The following NAV3 variants were observed in gnomAD, a reference collection of about 807,000 sequenced individuals.
NAV3 encodes neuron navigator 3.
Under a neutral mutation model 244.7 loss-of-function variants are expected in NAV3, and 87 were observed. That is an observed-to-expected ratio of 0.36 (90% CI 0.30 to 0.42). NAV3 has a LOEUF of 0.42. Ranked by LOEUF, NAV3 falls within the 20% of genes least tolerant of loss-of-function variation. The pLI is 1.00. For synonymous variants in NAV3, 1,126 were observed against 1,042.2 expected, an observed-to-expected ratio of 1.08 and a Z score of -1.55; for missense variants, 2,663 against 2,893.3, an observed-to-expected ratio of 0.92 and a Z score of 1.83.
intron 1 of NAV3, among the ~76,000 whole-genome samples, chr12:77,939,308 A>G (rs1046782961): frequency 6.6e-6 from 1 of 152,098 alleles, no homozygotes; most frequent in African/African-American, 2.4e-5. Flanking sequence ...TACCCACTGC[A>G]AGGAAGGTCC....
intron 2 of NAV3, among the ~76,000 whole-genome samples, chr12:77,599,880 A>G (rs1870343499): frequency 6.6e-6 from 1 of 152,084 alleles, no homozygotes; most frequent in Admixed American, 6.6e-5. Flanking sequence ...ACTAAGAAAT[A>G]TTGTACAGGA....
At position 77,874,809 on chromosome 12, in the gene NAV3, T is replaced by C. The variant is rs560009487; in HGVS notation, c.243+43105T>C. Among the ~76,000 whole-genome samples, 6 of 152,296 alleles carry C rather than the reference T, an allele frequency of 3.9e-5. No homozygotes were observed. In the East Asian group the frequency reaches 1.2e-3, roughly 29 times the overall value. On this transcript the variant is annotated intron_variant, in intron 1 of 39. Coordinates refer to ENST00000397909, the MANE Select transcript of NAV3 (RefSeq NM_001024383.2). ...TACCATCCTTACTATGTTATTATAA[T>C]GAATCAATGAATTAAGCATCAGAGA...
intron 11 of NAV3, chr12:78,056,119 A>G (rs1053785182): frequency 1.3e-5 from 2 of 152,162 alleles, no homozygotes; most frequent in Non-Finnish European, 2.9e-5. Context: ...TTACTCACAT[A>G]CATTTGTTCT....
intron 2 of NAV3, among the ~76,000 whole-genome samples, chr12:77,655,469 T>C (rs1451458078): frequency 6.6e-6 from 1 of 152,094 alleles, no homozygotes; most frequent in Non-Finnish European, 1.5e-5. Flanking sequence ...AAAGACCAAA[T>C]CTACGTCTGA....
intron 2 of NAV3, among the ~76,000 whole-genome samples, chr12:77,653,440 T>C (rs1262223733): frequency 6.6e-6 from 1 of 152,244 alleles, no homozygotes; most frequent in African/African-American, 2.4e-5. Context: ...GACTTAAAAT[T>C]ATGCATATAT....
chr12:77,670,272 A>G (rs150469514), intron 2 of NAV3, among the ~76,000 whole-genome samples: 16 of 152,294 alleles, frequency 1.1e-4, no homozygotes, highest in African/African-American at 3.8e-4. Flanking sequence ...GAACAGACCA[A>G]TAACAAGCAC....
intron 11 of NAV3, among the ~76,000 whole-genome samples, chr12:78,057,525 C>A (rs973714296): frequency 1.3e-5 from 2 of 152,144 alleles, no homozygotes; most frequent in African/African-American, 4.8e-5. Flanking sequence ...TCTAATTTCA[C>A]TTTCAGGATA....
intron 2 of NAV3, among the ~76,000 whole-genome samples, chr12:77,725,531 T>G (rs559407874): frequency 2.0e-4 from 31 of 151,834 alleles, no homozygotes; most frequent in African/African-American, 7.2e-4. Flanking sequence ...AATGTGGCAG[T>G]CTTAAGCCCA....
intron 2 of NAV3, among the ~76,000 whole-genome samples, chr12:77,770,478 G>A (rs1443581086): frequency 6.6e-6 from 1 of 152,128 alleles, no homozygotes; most frequent in Non-Finnish European, 1.5e-5. Context: ...TATGAAGTAG[G>A]GATTTTTGCC....
chr12:77,768,049 T>G (rs1869870310), intron 2 of NAV3, among the ~76,000 whole-genome samples: 1 of 152,190 alleles, frequency 6.6e-6, no homozygotes, highest in African/African-American at 2.4e-5. Flanking sequence ...AGGCAGGTTG[T>G]TCCAACAAGT....
At chr12:77,691,627 T>G (rs1021514793) in intron 2 of NAV3, among the ~76,000 whole-genome samples, 1 of 151,592 alleles carries the variant, frequency 6.6e-6, no homozygotes, top group South Asian at 2.1e-4. Flanking sequence ...ACAATGACCC[T>G]TTTTAACAAA....
chr12:77,988,659 C>G (rs1593207042), intron 5 of NAV3, among the ~76,000 whole-genome samples: 1 of 152,250 alleles, frequency 6.6e-6, no homozygotes, highest in Non-Finnish European at 1.5e-5. Flanking sequence ...CCACCATAAA[C>G]AGTAGGAGCC....
intron 2 of NAV3, among the ~76,000 whole-genome samples, chr12:77,824,835 G>A (rs776812849): frequency 2.0e-4 from 30 of 151,878 alleles, no homozygotes; most frequent in South Asian, 1.0e-3. Flanking sequence ...AGGGATTCCC[G>A]TGAGCCAAGA....
intron 2 of NAV3, chr12:77,775,824 ACTTT>A (rs1172533570): frequency 1.3e-5 from 2 of 152,258 alleles, no homozygotes; most frequent in African/African-American, 4.8e-5. Flanking sequence ...ACCATTGTTC[ACTTT>A]CTTGAGTGTG....
At chr12:77,613,946 C>A (rs1028365074) in intron 2 of NAV3, among the ~76,000 whole-genome samples, 1 of 152,064 alleles carries the variant, frequency 6.6e-6, no homozygotes, top group African/African-American at 2.4e-5. Context: ...TGGGCTTCCC[C>A]CTATAACATG....
chr12:77,591,297 G>C (rs950325570), intron 2 of NAV3, among the ~76,000 whole-genome samples: 5 of 152,074 alleles, frequency 3.3e-5, no homozygotes, highest in South Asian at 2.1e-4. Flanking sequence ...ATATTCATCT[G>C]TTTTATTTAC....
intron 24 of NAV3, among the ~76,000 whole-genome samples, chr12:78,170,398 C>A (rs1015796215): frequency 5.9e-5 from 9 of 151,592 alleles, no homozygotes; most frequent in African/African-American, 1.9e-4. Flanking sequence ...TCTGATTTTA[C>A]TCTTGCCATC....
At chr12:77,899,776 A>G (rs1191983238) in intron 1 of NAV3, among the ~76,000 whole-genome samples, 1 of 152,248 alleles carries the variant, frequency 6.6e-6, no homozygotes, top group African/African-American at 2.4e-5. Flanking sequence ...TTTTCAAAAA[A>G]TAAAGCGTTA....
At position 77,924,297 on chromosome 12, in the gene NAV3, G is replaced by A. The variant is rs866293521; in HGVS notation, c.244-16022G>A. On this transcript the variant is annotated intron_variant, in intron 1 of 39. Transcript: ENST00000397909. ...ATATTTTTGTGGGCTAGAGTAGGAA[G>A]AGATGCATAATACTTTAGCTCTTAT... Among the ~76,000 whole-genome samples, 40 of 152,312 alleles carry A rather than the reference G, an allele frequency of 2.6e-4. No homozygotes were observed. The South Asian group carries it at 3.3e-3, about 13-fold the overall frequency.
Sources: allele counts gnomAD v4.1 joint callset (sites outside exome capture counted in the v4.1 genomes callset), GRCh38; gene constraint gnomAD v4.1.1; transcripts MANE v1.5; gene names NCBI Gene and HGNC (gene_info 2026-07-23, HGNC 2026-07-21).